The following GOLGA4 variants were observed in gnomAD, a reference collection of about 807,000 sequenced individuals.
The protein encoded by GOLGA4 is golgin A4.
In GOLGA4, 169 loss-of-function variants were observed where a neutral mutation model predicts 265.9. That is an observed-to-expected ratio of 0.64 (90% CI 0.56 to 0.72). The LOEUF is 0.72. Ranked by LOEUF, GOLGA4 falls within the 30% of genes least tolerant of loss-of-function variation. The pLI, the probability that GOLGA4 is intolerant of heterozygous loss-of-function variation, is 0.00. For missense variants in GOLGA4, 2,482 were observed against 2,483.4 expected (o/e 1.00, Z 0.01); for synonymous variants, 923 against 855.8 (o/e 1.08, Z -1.37).
chr3:37,332,558 T>C (rs1338895500), intron 16 of GOLGA4, among the ~76,000 whole-genome samples: 1 of 152,158 alleles, frequency 6.6e-6, no homozygotes, highest in African/African-American at 2.4e-5. Flanking sequence ...TTAATTTTTA[T>C]TTAGAAAAAT....
At chr3:37,344,982 A>G (rs960548676) in intron 20 of GOLGA4, among the ~76,000 whole-genome samples, 1 of 152,170 alleles carries the variant, frequency 6.6e-6, no homozygotes, top group Non-Finnish European at 1.5e-5. Context: ...TGGGAGGCCA[A>G]GGTGGGAGGA....
rs1453511491 is a variant in GOLGA4 at position 37,327,357 on chromosome 3, A to T, written c.5471A>T (p.Asn1824Ile). Residue 1824 changes from asparagine to isoleucine, a missense_variant, in exon 14 of 24, where the codon AAC (asparagine) becomes ATC (isoleucine). By Grantham distance (149) the Asn-to-Ile change is moderately radical. Around this residue, in one of 3 missense-constraint regions of GOLGA4, gnomAD observed 942 missense variants for 983.1 expected, o/e 0.96. Coordinates refer to ENST00000361924, the MANE Select transcript of GOLGA4 (RefSeq NM_002078.5). The stretch of plus-strand genomic sequence containing the variant: ...GTGGAAAAAGAAGGAGGTAAAAATA[A>T]CATACAGGCAAAGCAAAACTTGGAA... Reference protein sequence around the residue: ...QHVEKEGGKNNIQAKQNLENV... With the variant: ...QHVEKEGGKNIIQAKQNLENV... The T allele has an allele frequency of 2.5e-6, 4 of 1,613,752 alleles. No homozygotes were observed. The highest frequency in any genetic ancestry group is 3.4e-6 in the Non-Finnish European group (4 of 1,179,794).
Position 37,346,516 on chromosome 3 carries a change from A to C in GOLGA4, c.6473-677A>C, listed in dbSNP as rs1014167133. On this transcript the variant is annotated intron_variant, in intron 20 of 23. Coordinates refer to ENST00000361924, the MANE Select transcript of GOLGA4 (RefSeq NM_002078.5). ...TATAATTTGACCATTTTCAATGCTGAATTTAATAATAATACATTATATCTT... is the reference window on the plus strand; with the variant it reads ...TATAATTTGACCATTTTCAATGCTGCATTTAATAATAATACATTATATCTT... 2.0e-5 allele frequency among the ~76,000 whole-genome samples: 3 copies of C among 152,268 alleles called. No homozygotes were observed. The South Asian group carries it at 6.2e-4, about 32-fold the overall frequency.
In GOLGA4 at chr3:37,324,129, A is replaced by C; in HGVS notation, c.2243A>C (p.Gln748Pro). Residue 748 changes from glutamine (Q) to proline (P), a missense_variant, in exon 14 of 24, where the codon CAG becomes CCG. Physicochemically the swap from Gln to Pro is moderately conservative, Grantham distance 76. Transcript: ENST00000361924. Reference protein sequence around the residue: ...SIIKEHEVSIQRTEKALKDQI... With the variant: ...SIIKEHEVSIPRTEKALKDQI... ...ATTAAAGAACACGAGGTATCTATCCAGAGGACTGAGAAGGCATTAAAAGAT... is the reference window on the plus strand; with the variant it reads ...ATTAAAGAACACGAGGTATCTATCCCGAGGACTGAGAAGGCATTAAAAGAT... 6.2e-7 allele frequency: 1 copy of C among 1,614,090 alleles called. No homozygotes were observed. Among genetic ancestry groups the C allele is most frequent in the Non-Finnish European group, 8.5e-7 (1 of 1,179,942 alleles).
intron 12 of GOLGA4, chr3:37,319,426 G>A (rs908036285): frequency 3.9e-6 from 1 of 258,530 alleles, no homozygotes; most frequent in Non-Finnish European, 7.6e-6. Flanking sequence ...AGAGAGTCTC[G>A]CTCTGTTGCC....
intron 16 of GOLGA4, among the ~76,000 whole-genome samples, chr3:37,333,070 A>G (rs1049709359): frequency 1.3e-5 from 2 of 152,202 alleles, no homozygotes; most frequent in Non-Finnish European, 2.9e-5. Context: ...CACTTGATAA[A>G]TTTGAAGGAG....
rs2096708166 is a variant in GOLGA4, at chr3:37,243,443, C to G, written c.-108C>G. ...AAGGAGGAGACGGCGAGGCCCGGCC[C>G]CCGCTGTCCCTGGTGTAAAGAAGTC... is the stretch of plus-strand genomic sequence containing the variant. On this transcript the variant is annotated 5_prime_UTR_variant, in exon 1 of 24. Coordinates refer to ENST00000361924, the MANE Select transcript of GOLGA4 (RefSeq NM_002078.5). The G allele has an allele frequency of 3.2e-6, 3 of 923,712 alleles. No homozygotes were observed. The highest frequency in any genetic ancestry group is 5.3e-6 in the Non-Finnish European group (3 of 565,544). The allele number at this position is 923,712 out of a possible 1,614,324, so 57.2% of individuals were successfully genotyped here.
intron 15 of GOLGA4, 33 bp from the exon 16 acceptor site, chr3:37,328,930 G>T: frequency 6.5e-7 from 1 of 1,531,732 alleles, no homozygotes; most frequent in East Asian, 2.3e-5. Flanking sequence ...TGACTAATGT[G>T]TTTTCTTGTG....
At chr3:37,275,945 G>C (rs2096816643) in intron 2 of GOLGA4, 3 of 1,613,506 alleles carry the variant, frequency 1.9e-6, no homozygotes, top group Non-Finnish European at 1.7e-6. Flanking sequence ...AACTGAGAAA[G>C]ACCTTGACGA....
In GOLGA4 at chr3:37,344,492, C is replaced by CTT. The variant is rs56761489; in HGVS notation, c.6473-2682_6473-2681dup. ...TATGCCTGCTCTAATACCTCACTGT[C>CTT]TTTTTTTTTTTTTTTTTTTTGGTAG... On this transcript the variant is annotated intron_variant, in intron 20 of 23. Transcript: ENST00000361924. Among the ~76,000 whole-genome samples the CTT allele has an allele frequency of 1.9e-3, 224 of 118,192 alleles. 3 individuals carry two copies. Among genetic ancestry groups the CTT allele is most frequent in the Middle Eastern group, 9.1e-3 (2 of 220 alleles). The allele number at this position is 118,192 out of a possible 152,430, so 77.5% of individuals were successfully genotyped here.
chr3:37,248,265 G>C (rs968622599), intron 1 of GOLGA4, among the ~76,000 whole-genome samples: 2 of 152,176 alleles, frequency 1.3e-5, no homozygotes, highest in Admixed American at 6.5e-5. Context: ...ATGAGCCACT[G>C]TGCACAGCTA....
chr3:37,357,535 C>T (rs970773633), intron 22 of GOLGA4, among the ~76,000 whole-genome samples: 1 of 151,862 alleles, frequency 6.6e-6, no homozygotes, highest in African/African-American at 2.4e-5. Context: ...TGAGGAAGTC[C>T]CCAAAATACG....
At chr3:37,301,446 A>G (rs942391602) in intron 9 of GOLGA4, among the ~76,000 whole-genome samples, 2 of 152,230 alleles carry the variant, frequency 1.3e-5, no homozygotes, top group East Asian at 1.9e-4. Flanking sequence ...GGCACCTTCC[A>G]TTCTCAAGTG....
At chr3:37,290,328 CAG>C (rs1461826191) in intron 5 of GOLGA4, among the ~76,000 whole-genome samples, 1 of 152,122 alleles carries the variant, frequency 6.6e-6, no homozygotes, top group Non-Finnish European at 1.5e-5. Flanking sequence ...AATTAACAAT[CAG>C]AATTAATCAT....
chr3:37,323,292 A>G (rs2096960585), intron 13 of GOLGA4, among the ~76,000 whole-genome samples: 2 of 151,958 alleles, frequency 1.3e-5, no homozygotes, highest in African/African-American at 4.8e-5. Context: ...ATGCCCGGCT[A>G]ATTTTTGTAT....
intron 9 of GOLGA4, among the ~76,000 whole-genome samples, 199 bp from the exon 10 acceptor site, chr3:37,301,986 G>T (rs1009565184): frequency 6.6e-6 from 1 of 151,922 alleles, no homozygotes; most frequent in Non-Finnish European, 1.5e-5. Context: ...ACAGGGTTTC[G>T]CCATGTTGGC....
rs2096836850 is a variant in GOLGA4, at chr3:37,282,257, G to A, written c.462G>A (p.Arg154=). Residue 154 remains arginine, a synonymous_variant, in exon 3 of 24, where the codon AGG becomes AGA. Coordinates refer to ENST00000361924, the MANE Select transcript of GOLGA4 (RefSeq NM_002078.5). ...TGGAACGAAGCTTAAGTAGCTACAG[G>A]GGAAAATATTCTGAGGTAGGAGCAT... ...RRMERSLSSY[R]GKYSELVTAY... The A allele has an allele frequency of 6.2e-7, 1 of 1,613,602 alleles. No homozygotes were observed. Among genetic ancestry groups the A allele is most frequent in the Non-Finnish European group, 8.5e-7 (1 of 1,179,626 alleles).
At chr3:37,311,545 G>A (rs1023010857) in intron 10 of GOLGA4, among the ~76,000 whole-genome samples, 3 of 152,150 alleles carry the variant, frequency 2.0e-5, no homozygotes, top group African/African-American at 7.2e-5. Context: ...CAATTTTAAA[G>A]TTCTATCATC....
In GOLGA4 at chr3:37,361,324, CTT is replaced by C; in HGVS notation, c.*33+20_*33+21del. 1 of 1,582,364 alleles carries C rather than the reference CTT, an allele frequency of 6.3e-7. No individual in the cohort carries two copies. The highest frequency in any genetic ancestry group is 8.7e-7 in the Non-Finnish European group (1 of 1,151,992). On this transcript the variant is annotated intron_variant, in intron 23 of 23. Coordinates refer to ENST00000361924, the MANE Select transcript of GOLGA4 (RefSeq NM_002078.5). The stretch of plus-strand genomic sequence containing the variant: ...ACATGTGGTGAGTGAAGAACAATGT[CTT>C]GTGTCTTTTGTGCAAAAATCAAATG...
Sources: gnomAD v4.1 joint callset for allele counts (sites outside exome capture counted in the v4.1 genomes callset) on GRCh38, gnomAD v4.1.1 for gene constraint, gnomAD v4.1.1 regional missense constraint, MANE v1.5 for transcripts, NCBI Gene and HGNC (gene_info 2026-07-23, HGNC 2026-07-21) for gene names.